Variants in SLC6A20 observed in about 807,000 individuals in gnomAD.
The protein encoded by SLC6A20 is sodium- and chloride-dependent transporter XTRP3.
A neutral mutation model predicts 64.3 loss-of-function variants in SLC6A20; 73 were observed. The ratio of observed to expected loss-of-function variants is 1.14; its 90% CI spans 0.94 to 1.38. The LOEUF (loss-of-function observed/expected upper bound fraction) is 1.38, where lower values mean the gene tolerates loss of function less well. Among genes scored for constraint, SLC6A20 ranks in the 40% most tolerant of loss-of-function variants. The probability of loss-of-function intolerance (pLI) is 0.00; values close to 1 mark genes in which losing one functional copy is unlikely to be tolerated. For synonymous variants in SLC6A20, 347 were observed against 329.6 expected, an observed-to-expected ratio of 1.05 and a Z score of -0.57; for missense variants, 725 against 772.8, an observed-to-expected ratio of 0.94 and a Z score of 0.73.
intron 1 of SLC6A20, among the ~76,000 whole-genome samples, chr3:45,791,043 G>C (rs975367874): frequency 3.3e-5 from 5 of 152,132 alleles, no homozygotes; most frequent in African/African-American, 7.2e-5. Flanking sequence ...TTGCTGGAAG[G>C]CTTTCTAGAT....
chr3:45,773,311 G>A (rs1699908759), intron 4 of SLC6A20, among the ~76,000 whole-genome samples: 1 of 152,118 alleles, frequency 6.6e-6, no homozygotes, highest in Non-Finnish European at 1.5e-5. Context: ...CTCCAGAAAG[G>A]GTTTACTTCC....
intron 1 of SLC6A20, among the ~76,000 whole-genome samples, chr3:45,782,626 T>TCCATCCAA (rs2125652869): frequency 9.1e-6 from 1 of 110,058 alleles, no homozygotes; most frequent in South Asian, 3.0e-4. Context: ...CATATTTCCA[T>TCCATCCAA]CCATCCATCC....
Position 45,759,001 on chromosome 3 carries a change from C to A in SLC6A20, c.1756G>T (p.Gly586Ter). The A allele has an allele frequency of 1.9e-6, 3 of 1,608,756 alleles. No individual in the cohort carries two copies. Among genetic ancestry groups the A allele is most frequent in the Non-Finnish European group, 2.5e-6 (3 of 1,177,702 alleles). Residue 586 changes from glycine (G) to a stop codon, truncating the protein, a stop_gained, in exon 11 of 11, where the codon GGA (glycine) becomes TGA (stop). Coordinates refer to ENST00000358525, the MANE Select transcript of SLC6A20 (RefSeq NM_020208.4). LOFTEE classifies it high-confidence loss of function. ...TCTCAGGCCACGGGGTCTGCGTCTCCCCTCTTGAGGCGACGCTGAACAAAA... is the reference window on the plus strand; with the variant it reads ...TCTCAGGCCACGGGGTCTGCGTCTCACCTCTTGAGGCGACGCTGAACAAAA... ...GTFVQRRLKR[G>*]DADPVA
In SLC6A20 at chr3:45,765,292, A is replaced by T. The variant is rs372562171; in HGVS notation, c.1303+245T>A. Among the ~76,000 whole-genome samples the T allele has an allele frequency of 3.5e-4, 54 of 152,156 alleles. No individual in the cohort carries two copies. The highest frequency in any genetic ancestry group is 1.3e-3 in the African/African-American group (53 of 41,418). ...CCTAGCCTGGAGAACTTTGAATGTC[A>T]GGTTGGGGAGTTGGGTTGGGGTGGC... is the stretch of plus-strand genomic sequence containing the variant. On this transcript the variant is annotated intron_variant, in intron 8 of 10. Coordinates refer to ENST00000358525, the MANE Select transcript of SLC6A20 (RefSeq NM_020208.4). The surrounding 1 kb of genome is among the most constrained non-coding windows in gnomAD (Gnocchi z 4.2).
chr3:45,769,754 C>T (rs1699829156), intron 7 of SLC6A20, among the ~76,000 whole-genome samples: 1 of 151,826 alleles, frequency 6.6e-6, no homozygotes, highest in Admixed American at 6.6e-5. Context: ...TTTAAGAATA[C>T]ATAGATGGGT....
intron 4 of SLC6A20, among the ~76,000 whole-genome samples, chr3:45,775,332 G>C (rs753046558): frequency 6.6e-6 from 1 of 152,136 alleles, no homozygotes; most frequent in Non-Finnish European, 1.5e-5. Context: ...ATTTTGGGGG[G>C]CGGGGCTAAG....
intron 1 of SLC6A20, among the ~76,000 whole-genome samples, chr3:45,795,883 G>C (rs1700336742): frequency 6.6e-6 from 1 of 152,216 alleles, no homozygotes; most frequent in African/African-American, 2.4e-5. Context: ...TTTCGGATCT[G>C]AAAGTTGTAT....
In SLC6A20 at chr3:45,755,574, G is replaced by A. The variant is rs562961153; in HGVS notation, c.*3404C>T. The A allele has an allele frequency of 1.4e-4, 22 of 152,710 alleles. No homozygotes were observed. Among genetic ancestry groups the A allele is most frequent in the African/African-American group, 2.9e-4 (12 of 41,566 alleles). 9.5% of individuals were successfully genotyped at this position (152,710 alleles called of 1,614,324 possible). A position where few individuals can be genotyped will look rare whatever the true frequency, so the allele number is the denominator to read the frequency against. On this transcript the variant is annotated 3_prime_UTR_variant, in exon 11 of 11. Coordinates refer to ENST00000358525, the MANE Select transcript of SLC6A20 (RefSeq NM_020208.4). ...TTCCAGTAAAAACAGAAAGCTTTCCGGAGTCCATGATCTGGCCATCGTGTC... is the reference window on the plus strand; with the variant it reads ...TTCCAGTAAAAACAGAAAGCTTTCCAGAGTCCATGATCTGGCCATCGTGTC...
chr3:45,782,255 C>T, intron 1 of SLC6A20, 32 bp from the exon 2 acceptor site: 1 of 1,594,082 alleles, frequency 6.3e-7, no homozygotes, highest in African/African-American at 1.3e-5. Context: ...AGCCAGGCCA[C>T]CACCAAAAGG....
Position 45,770,382 on chromosome 3 carries a change from G to C in SLC6A20, c.936-11C>G. On this transcript the variant is annotated splice_polypyrimidine_tract_variant and intron_variant, in intron 6 of 10. Coordinates refer to ENST00000358525, the MANE Select transcript of SLC6A20 (RefSeq NM_020208.4). Reference sequence around the variant, plus strand: ...AGCAGCAGACTCACCCTGCAGAGCAGACCATCGGATCGACCTTCACTGATC... The same window carrying C: ...AGCAGCAGACTCACCCTGCAGAGCACACCATCGGATCGACCTTCACTGATC... The C allele has an allele frequency of 2.5e-6, 4 of 1,613,390 alleles. No homozygotes were observed. Among genetic ancestry groups the C allele is most frequent in the Non-Finnish European group, 2.5e-6 (3 of 1,179,932 alleles).
intron 5 of SLC6A20, chr3:45,771,839 A>G (rs1039366775): frequency 2.5e-5 from 6 of 238,642 alleles, no homozygotes; most frequent in Non-Finnish European, 4.9e-5. Context: ...TAAAACACAA[A>G]TGGGGCCCTG....
Position 45,759,992 on chromosome 3 carries a change from G to T in SLC6A20, c.1494C>A (p.Gly498=), listed in dbSNP as rs374162331. 8 of 1,612,382 alleles carry T rather than the reference G, an allele frequency of 5.0e-6. No individual in the cohort carries two copies. In the African/African-American group the frequency reaches 1.1e-4, roughly 22 times the overall value. The part of the protein sequence containing the change: ...RFESDLKAMT[G]RAVSWYWKVM... ...CCTTCCAGTACCAGCTCACAGCTCG[G>T]CCGGTCATGGCCTTAAGGTCACTTT... The change falls in exon 10 of 11, where the codon GGC becomes GGA. Residue 498 remains glycine (G), a synonymous_variant. Transcript: ENST00000358525.
At chr3:45,771,187 C>T in intron 6 of SLC6A20, 30 bp downstream of exon 6, 1 of 1,613,612 alleles carries the variant, frequency 6.2e-7, no homozygotes, top group Non-Finnish European at 8.5e-7. Context: ...TCAGGGAGGC[C>T]TGGGACTCGG....
At position 45,759,893 on chromosome 3, in the gene SLC6A20, C is replaced by T. The variant is rs755298952; in HGVS notation, c.1593G>A (p.Thr531=). The part of the protein sequence containing the change: ...FVFYLSDYIL[T]GTLKYQAWDA... ...CCCAGGCTTGATACTTCAGGGTCCC[C>T]GTGAGGATGTAGTCGCTCAGGTAGA... Residue 531 remains threonine, a synonymous_variant, in exon 10 of 11, where the codon ACG becomes ACA. Coordinates refer to ENST00000358525, the MANE Select transcript of SLC6A20 (RefSeq NM_020208.4). 1.9e-5 allele frequency: 30 copies of T among 1,614,078 alleles called. No individual in the cohort carries two copies. The highest frequency in any genetic ancestry group is 2.2e-5 in the Non-Finnish European group (26 of 1,180,006).
At position 45,782,072 on chromosome 3, in the gene SLC6A20, G is replaced by T. The variant is rs1456699074; in HGVS notation, c.262+11C>A. ...CTCTGGGTGGGAGAGGACTGGAGGGGCCCCACGTACCGACACCACTGAGGT... is the reference window on the plus strand; with the variant it reads ...CTCTGGGTGGGAGAGGACTGGAGGGTCCCCACGTACCGACACCACTGAGGT... On this transcript the variant is annotated intron_variant, in intron 2 of 10. Coordinates refer to ENST00000358525, the MANE Select transcript of SLC6A20 (RefSeq NM_020208.4). 1.9e-6 allele frequency: 3 copies of T among 1,594,276 alleles called. No homozygotes were observed. The highest frequency in any genetic ancestry group is 1.3e-5 in the African/African-American group (1 of 74,486).
rs774980342 is a variant in SLC6A20 at position 45,770,323 on chromosome 3, CA to C, written c.983del (p.Leu328Ter). The C allele has an allele frequency of 1.2e-6, 2 of 1,614,164 alleles. No homozygotes were observed. Among genetic ancestry groups the C allele is most frequent in the Non-Finnish European group, 1.7e-6 (2 of 1,180,024 alleles). On this transcript the variant is annotated frameshift_variant, in exon 7 of 11. Coordinates refer to ENST00000358525, the MANE Select transcript of SLC6A20 (RefSeq NM_020208.4). LOFTEE classifies it high-confidence loss of function. Reference sequence around the variant, plus strand: ...TCACCTGCTCCAGGTTGCTGGCTGTCAAAAAGCCATCTTCAAGGTCAAAAGT... The same window carrying C: ...TCACCTGCTCCAGGTTGCTGGCTGTCAAAAGCCATCTTCAAGGTCAAAAGT... ...TNTFDLEDGF[L>X]TASNLEQVKG...
chr3:45,769,669 C>T lies in SLC6A20; in HGVS notation c.1098+540G>A, dbSNP rs1699828119. Among the ~76,000 whole-genome samples the T allele has an allele frequency of 1.3e-5, 2 of 151,962 alleles. 1 individual carries two copies. The highest frequency in any genetic ancestry group is 4.1e-4 in the South Asian group (2 of 4,824). ...ACCATTTATGCCCATTTAAAAACTG[C>T]TGACATAGGAGTGCAAAAGGCTTGT... On this transcript the variant is annotated intron_variant, in intron 7 of 10. Coordinates refer to ENST00000358525, the MANE Select transcript of SLC6A20 (RefSeq NM_020208.4).
chr3:45,781,828 GAGA>G (rs943496012), intron 2 of SLC6A20, among the ~76,000 whole-genome samples: 1 of 152,166 alleles, frequency 6.6e-6, no homozygotes, highest in African/African-American at 2.4e-5. Context: ...GTCCAGAGAA[GAGA>G]AGGAGGGTGG....
intron 1 of SLC6A20, among the ~76,000 whole-genome samples, chr3:45,792,877 C>T (rs958249609): frequency 2.6e-5 from 4 of 152,186 alleles, no homozygotes; most frequent in Non-Finnish European, 4.4e-5. Context: ...ACCCTACTGC[C>T]GGGCCTGGGG....
Sources: gnomAD v4.1 joint callset for allele counts (sites outside exome capture counted in the v4.1 genomes callset) on GRCh38, gnomAD v4.1.1 for gene constraint, Gnocchi (gnomAD v3.1) non-coding constraint, MANE v1.5 for transcripts, NCBI Gene and HGNC (gene_info 2026-07-23, HGNC 2026-07-21) for gene names.